Variants in ANO3 observed in about 807,000 individuals in gnomAD.
ANO3 encodes anoctamin 3.
Under a neutral mutation model 144.8 loss-of-function variants are expected in ANO3, and 99 were observed. That is an observed-to-expected ratio of 0.68 (90% CI 0.58 to 0.81). The LOEUF (loss-of-function observed/expected upper bound fraction) is 0.81, where lower values mean the gene tolerates loss of function less well. Among genes scored for constraint, ANO3 ranks in the 30% least tolerant of loss-of-function variants. The pLI, the probability that ANO3 is intolerant of heterozygous loss-of-function variation, is 0.00. For missense variants in ANO3, 905 were observed against 1,202.2 expected (o/e 0.75, Z 3.66); for synonymous variants, 414 against 392.6 (o/e 1.05, Z -0.64).
intron 1 of ANO3, among the ~76,000 whole-genome samples, chr11:26,333,426 C>T (rs1415339812): frequency 1.1e-4 from 16 of 151,786 alleles, no homozygotes; most frequent in African/African-American, 4.8e-5. Flanking sequence ...GGACTACAGG[C>T]GCCCGCCACC....
chr11:26,246,564 T>C (rs1392925741), intron 1 of ANO3, among the ~76,000 whole-genome samples: 59 of 149,284 alleles, frequency 4.0e-4, no homozygotes, highest in African/African-American at 1.4e-3. Context: ...TTTGCTTAAT[T>C]TTCTTTTGAA....
intron 17 of ANO3, among the ~76,000 whole-genome samples, chr11:26,621,251 C>T (rs1182864501): frequency 6.6e-6 from 1 of 152,116 alleles, no homozygotes; most frequent in African/African-American, 2.4e-5. Flanking sequence ...TTCCAAAATG[C>T]TTACCATGGC....
chr11:26,598,414 T>C lies in ANO3; in HGVS notation c.1497T>C (p.Tyr499=), dbSNP rs1184788318. The change falls in exon 15 of 27, where the codon TAT becomes TAC. Residue 499 remains tyrosine, a synonymous_variant. Transcript: ENST00000256737. ...AAAGGAGAAGGAGTATACTGACCTATACTTGGGACCTTATCGAATGGGAAG... is the reference window on the plus strand; with the variant it reads ...AAAGGAGAAGGAGTATACTGACCTACACTTGGGACCTTATCGAATGGGAAG... ...FWKRRRSILT[Y]TWDLIEWEEE... 4 of 1,593,944 alleles carry C rather than the reference T, an allele frequency of 2.5e-6. No homozygotes were observed. The highest frequency in any genetic ancestry group is 1.1e-5 in the South Asian group (1 of 87,886).
At chr11:26,289,707 T>C (rs1475844763) in intron 1 of ANO3, among the ~76,000 whole-genome samples, 2 of 141,958 alleles carry the variant, frequency 1.4e-5, no homozygotes, top group Non-Finnish European at 3.1e-5. Context: ...TGTGTATATA[T>C]ATTCTATATG....
At chr11:26,234,519 A>G (rs1224862308) in intron 1 of ANO3, among the ~76,000 whole-genome samples, 1 of 152,222 alleles carries the variant, frequency 6.6e-6, no homozygotes. Flanking sequence ...CTCGATTTAC[A>G]TCATTTTAAA....
chr11:26,362,492 T>C (rs1855954349), intron 1 of ANO3, among the ~76,000 whole-genome samples: 1 of 152,154 alleles, frequency 6.6e-6, no homozygotes, highest in Admixed American at 6.5e-5. Context: ...AGCCTGCAGA[T>C]TTTTGAGCAG....
intron 4 of ANO3, among the ~76,000 whole-genome samples, chr11:26,469,851 A>G (rs1355212718): frequency 6.6e-6 from 1 of 151,916 alleles, no homozygotes; most frequent in Non-Finnish European, 1.5e-5. Context: ...ATTTTAACAT[A>G]TATAACGATC....
chr11:26,584,147 T>TTTTG (rs146545367), intron 14 of ANO3, among the ~76,000 whole-genome samples: 128 of 148,946 alleles, frequency 8.6e-4, no homozygotes, highest in Middle Eastern at 3.4e-3. Context: ...TGTCTTGTTT[T>TTTTG]TTTGTTTGTT....
intron 1 of ANO3, among the ~76,000 whole-genome samples, chr11:26,375,332 C>G (rs902462398): frequency 6.6e-6 from 1 of 152,098 alleles, no homozygotes. Flanking sequence ...CTCTGCTGCC[C>G]GGTTCCTAAC....
chr11:26,334,236 G>A (rs1855135879), intron 1 of ANO3, among the ~76,000 whole-genome samples: 1 of 152,190 alleles, frequency 6.6e-6, no homozygotes, highest in Non-Finnish European at 1.5e-5. Context: ...AAATCTAGAG[G>A]AGGAGTACTC....
intron 1 of ANO3, among the ~76,000 whole-genome samples, chr11:26,302,886 G>T (rs1176781796): frequency 1.3e-5 from 2 of 152,014 alleles, no homozygotes; most frequent in Non-Finnish European, 2.9e-5. Context: ...TATTAATAAT[G>T]GGCAAAGGAA....
At chr11:26,252,857 G>A (rs1234521168) in intron 1 of ANO3, among the ~76,000 whole-genome samples, 1 of 152,152 alleles carries the variant, frequency 6.6e-6, no homozygotes, top group African/African-American at 2.4e-5. Context: ...ATATTAGTGT[G>A]CTAGTGGCCT....
At chr11:26,218,663 T>C (rs1852081435) in intron 1 of ANO3, among the ~76,000 whole-genome samples, 1 of 152,186 alleles carries the variant, frequency 6.6e-6, no homozygotes, top group South Asian at 2.1e-4. Context: ...TTGAGGAATT[T>C]TATACAAGTA....
At chr11:26,657,366 A>G (rs533637643) in intron 26 of ANO3, among the ~76,000 whole-genome samples, 5 of 152,144 alleles carry the variant, frequency 3.3e-5, no homozygotes, top group Admixed American at 1.3e-4. Context: ...ACCTATATAC[A>G]TGTCTCCTGA....
At chr11:26,561,283 A>C in intron 14 of ANO3, 1 of 1,302,562 alleles carries the variant, frequency 7.7e-7, no homozygotes, top group Admixed American at 2.6e-5. Flanking sequence ...ATTCATGTTC[A>C]GGCATCCACC....
intron 1 of ANO3, among the ~76,000 whole-genome samples, chr11:26,255,907 A>C (rs1853046108): frequency 6.6e-6 from 1 of 152,118 alleles, no homozygotes. Context: ...CAACCCAGAG[A>C]CTTGACTAGA....
At chr11:26,253,232 AT>A (rs1852975584) in intron 1 of ANO3, among the ~76,000 whole-genome samples, 2 of 152,194 alleles carry the variant, frequency 1.3e-5, no homozygotes, top group South Asian at 4.1e-4. Context: ...TATGAAAAGA[AT>A]GAACTCATGT....
chr11:26,491,361 G>C (rs1270571384), intron 4 of ANO3, among the ~76,000 whole-genome samples: 2 of 152,170 alleles, frequency 1.3e-5, no homozygotes, highest in Non-Finnish European at 2.9e-5. Flanking sequence ...ATAAACAGTT[G>C]TAACAGTTAT....
intron 1 of ANO3, among the ~76,000 whole-genome samples, chr11:26,368,854 T>C (rs1047867854): frequency 6.6e-6 from 1 of 152,190 alleles, no homozygotes; most frequent in Non-Finnish European, 1.5e-5. Context: ...TGCACTGCTT[T>C]ATTTCCATGA....
Sources: allele counts gnomAD v4.1 joint callset (sites outside exome capture counted in the v4.1 genomes callset), GRCh38; gene constraint gnomAD v4.1.1; transcripts MANE v1.5; gene names NCBI Gene and HGNC (gene_info 2026-07-23, HGNC 2026-07-21).